Variants in CTNNA2 observed in about 807,000 individuals in gnomAD.
The protein encoded by CTNNA2 is catenin alpha 2, also known as catenin alpha-2.
CTNNA2 carries 42 observed loss-of-function variants against 101.0 expected under a neutral mutation model. That is an observed-to-expected ratio of 0.42 (90% CI 0.32 to 0.54). The LOEUF is 0.54. Ranked by LOEUF, CTNNA2 falls within the 20% of genes least tolerant of loss-of-function variation. The probability of loss-of-function intolerance (pLI) is 0.14; values close to 1 mark genes in which losing one functional copy is unlikely to be tolerated. For synonymous variants in CTNNA2, 450 were observed against 456.4 expected (o/e 0.99, Z 0.18); for missense variants, 871 against 1,223.1 (o/e 0.71, Z 4.29).
intron 6 of CTNNA2, among the ~76,000 whole-genome samples, chr2:79,886,267 G>A (rs1683852660): frequency 6.6e-6 from 1 of 152,114 alleles, no homozygotes. Context: ...TATTTCTCAG[G>A]TAGAAAGATC....
At position 80,287,514 on chromosome 2, in the gene CTNNA2, T is replaced by C. The variant is rs188268857; in HGVS notation, c.1057-105697T>C. On this transcript the variant is annotated intron_variant, in intron 7 of 18. Coordinates refer to ENST00000402739, the MANE Select transcript of CTNNA2 (RefSeq NM_001282597.3). ...ATATGCTTGGTACCAAAAGTAATGA[T>C]GACGAGGATGACACTGATGGTGACG... Among the ~76,000 whole-genome samples, 13 of 152,280 alleles carry C rather than the reference T, an allele frequency of 8.5e-5. No individual in the cohort carries two copies. The East Asian group carries it at 2.5e-3, about 29-fold the overall frequency.
At chr2:80,601,634 A>C (rs1697548376) in intron 15 of CTNNA2, 1 of 151,592 alleles carries the variant, frequency 6.6e-6, no homozygotes, top group African/African-American at 2.4e-5. Flanking sequence ...TTGCTGTCTT[A>C]TCTTTTTTAC....
intron 1 of CTNNA2, among the ~76,000 whole-genome samples, chr2:79,635,388 T>C (rs1368728932): frequency 2.0e-5 from 3 of 151,448 alleles, no homozygotes; most frequent in East Asian, 2.0e-4. Flanking sequence ...GCCGAGATCG[T>C]GCCACTGCAC....
chr2:79,261,707 G>A (rs1674924306), intron 2 of CTNNA2, among the ~76,000 whole-genome samples: 1 of 152,124 alleles, frequency 6.6e-6, no homozygotes, highest in Non-Finnish European at 1.5e-5. Flanking sequence ...CCATCCTTAT[G>A]ATCTCATTTA....
intron 7 of CTNNA2, among the ~76,000 whole-genome samples, chr2:80,155,910 C>G (rs1703975024): frequency 6.6e-6 from 1 of 152,194 alleles, no homozygotes; most frequent in Non-Finnish European, 1.5e-5. Context: ...CTGGAACTTT[C>G]AGCATCCATG....
At chr2:79,566,895 A>G (rs907257142) in intron 1 of CTNNA2, among the ~76,000 whole-genome samples, 4 of 152,198 alleles carry the variant, frequency 2.6e-5, no homozygotes, top group Admixed American at 6.5e-5. Flanking sequence ...CATTAACAGT[A>G]TATGTTAAAA....
intron 2 of CTNNA2, among the ~76,000 whole-genome samples, chr2:79,652,398 G>A (rs1013929371): frequency 1.3e-5 from 2 of 151,890 alleles, no homozygotes; most frequent in Admixed American, 6.6e-5. Context: ...CATTCCTTCT[G>A]GAAGCTCTAG....
intron 2 of CTNNA2, among the ~76,000 whole-genome samples, chr2:79,307,227 T>C (rs1437292252): frequency 6.6e-6 from 1 of 152,194 alleles, no homozygotes; most frequent in Admixed American, 6.5e-5. Context: ...TGTCGATCAC[T>C]TCTTTGTGCT....
At chr2:79,685,439 C>G (rs1390574920) in intron 2 of CTNNA2, among the ~76,000 whole-genome samples, 1 of 152,136 alleles carries the variant, frequency 6.6e-6, no homozygotes, top group African/African-American at 2.4e-5. Flanking sequence ...ATAGAAGTTT[C>G]TTTTACTCCT....
At chr2:79,338,576 TCA>T (rs1558633905) in intron 3 of CTNNA2, among the ~76,000 whole-genome samples, 12 of 9,508 alleles carry the variant, frequency 1.3e-3, no homozygotes, top group Non-Finnish European at 1.9e-3. Flanking sequence ...TTCCTCCTCA[TCA>T]TCTTCTTCTT....
intron 3 of CTNNA2, among the ~76,000 whole-genome samples, chr2:79,826,872 C>G (rs983094216): frequency 2.0e-5 from 3 of 152,090 alleles, no homozygotes; most frequent in Non-Finnish European, 2.9e-5. Context: ...AGAAGATAAT[C>G]GGATCACATC....
intron 7 of CTNNA2, among the ~76,000 whole-genome samples, chr2:80,176,819 G>A (rs1705425255): frequency 6.6e-6 from 1 of 152,156 alleles, no homozygotes; most frequent in African/African-American, 2.4e-5. Context: ...TTTGTTGCCT[G>A]TTGACTTAGA....
At chr2:80,415,405 G>GT (rs879710356) in intron 8 of CTNNA2, among the ~76,000 whole-genome samples, 28 of 151,554 alleles carry the variant, frequency 1.8e-4, no homozygotes, top group Admixed American at 3.9e-4. Flanking sequence ...ATGAAGCTCT[G>GT]TTTTTTTTGT....
intron 4 of CTNNA2, among the ~76,000 whole-genome samples, chr2:79,417,226 G>A (rs12052890): frequency 0.029 from 4,351 of 152,074 alleles, 104 homozygotes; most frequent in African/African-American, 0.067. Context: ...AACAAAGCTT[G>A]GTACTAAATT....
At chr2:79,693,169 GAACAATTA>G (rs1241510747) in intron 2 of CTNNA2, among the ~76,000 whole-genome samples, 1 of 151,894 alleles carries the variant, frequency 6.6e-6, no homozygotes, top group Non-Finnish European at 1.5e-5. Flanking sequence ...CACTGAAGAA[GAACAATTA>G]AAGTTAAAAT....
At chr2:79,534,318 A>G (rs1338638904) in intron 1 of CTNNA2, among the ~76,000 whole-genome samples, 1 of 152,078 alleles carries the variant, frequency 6.6e-6, no homozygotes, top group East Asian at 1.9e-4. Flanking sequence ...CGTTGGGCGC[A>G]TTACTTTCTA....
intron 6 of CTNNA2, among the ~76,000 whole-genome samples, chr2:79,908,309 A>C (rs549790913): frequency 6.6e-6 from 1 of 152,230 alleles, no homozygotes; most frequent in Non-Finnish European, 1.5e-5. Flanking sequence ...CAACTCTTTA[A>C]ATTTGGTGAA....
At chr2:79,763,203 A>G (rs146912553) in intron 3 of CTNNA2, among the ~76,000 whole-genome samples, 5 of 151,948 alleles carry the variant, frequency 3.3e-5, no homozygotes, top group Non-Finnish European at 5.9e-5. Flanking sequence ...TTGCATTTCT[A>G]TATGGTAAAA....
intron 8 of CTNNA2, among the ~76,000 whole-genome samples, chr2:80,395,566 G>T (rs935206690): frequency 3.9e-5 from 6 of 152,146 alleles, no homozygotes; most frequent in African/African-American, 1.4e-4. Flanking sequence ...TTGGGCAGAT[G>T]GAACATGCAA....
Sources: allele counts gnomAD v4.1 joint callset (sites outside exome capture counted in the v4.1 genomes callset), GRCh38; gene constraint gnomAD v4.1.1; transcripts MANE v1.5; gene names NCBI Gene and HGNC (gene_info 2026-07-23, HGNC 2026-07-21).